FILIP1: variants seen among roughly 807,000 people sequenced by gnomAD.
FILIP1 encodes the protein filamin-A-interacting protein 1.
FILIP1 carries 61 observed loss-of-function variants against 102.1 expected under a neutral mutation model. The ratio of observed to expected loss-of-function variants is 0.60; its 90% CI spans 0.49 to 0.74. The LOEUF is 0.74. Ranked by LOEUF, FILIP1 falls within the 30% of genes least tolerant of loss-of-function variation. FILIP1 has a pLI of 0.00. For synonymous variants in FILIP1, 491 were observed against 526.9 expected (o/e 0.93, Z 0.93); for missense variants, 1,314 against 1,441.2 (o/e 0.91, Z 1.43).
In FILIP1 at chr6:75,365,056, G is replaced by A. The variant is rs73453795; in HGVS notation, c.277-2139C>T. Among the ~76,000 whole-genome samples the A allele has an allele frequency of 7.6e-3, 1,157 of 152,188 alleles. 19 individuals are homozygous for A. The highest frequency in any genetic ancestry group is 0.026 in the African/African-American group (1,094 of 41,530). Reference sequence around the variant, plus strand: ...GGCGATGATAGAAGGTTGGCAAGCTGGAAGTTCTTGATAACAAACTACTGT... The same window carrying A: ...GGCGATGATAGAAGGTTGGCAAGCTAGAAGTTCTTGATAACAAACTACTGT... On this transcript the variant is annotated intron_variant, in intron 2 of 5. Transcript: ENST00000237172.
At chr6:75,303,999 A>T (rs2748253), downstream of FILIP1, among the ~76,000 whole-genome samples, 1 of 151,870 alleles carries the variant, frequency 6.6e-6, no homozygotes, top group Non-Finnish European at 1.5e-5. Context: ...GAAAAATATG[A>T]AACTGGTGTG....
chr6:75,490,929 A>G (rs1779938690), intron 1 of FILIP1, among the ~76,000 whole-genome samples: 1 of 152,136 alleles, frequency 6.6e-6, no homozygotes. Context: ...AGAGCCACAA[A>G]TGTGAATGGA....
chr6:75,335,908 A>G (rs79272960), intron 4 of FILIP1, among the ~76,000 whole-genome samples: 1 of 152,304 alleles, frequency 6.6e-6, no homozygotes, highest in African/African-American at 2.4e-5. Context: ...TAACCTCTCA[A>G]TAGCCTGAAC....
chr6:75,464,964 A>G (rs1179394468), intron 1 of FILIP1, among the ~76,000 whole-genome samples: 1 of 152,180 alleles, frequency 6.6e-6, no homozygotes, highest in African/African-American at 2.4e-5. Context: ...CACTATTACT[A>G]TTGCTACCAC....
Position 75,405,806 on chromosome 6 carries a change from G to C in FILIP1, c.276+8891C>G, listed in dbSNP as rs377630133. On this transcript the variant is annotated intron_variant, in intron 2 of 5. Transcript: ENST00000237172. ...TGGTGGGAAAAATGGTAATGACAGA[G>C]CAGACAATCGGAATGAGTCGGGGTG... Among the ~76,000 whole-genome samples the C allele has an allele frequency of 1.4e-3, 209 of 152,278 alleles. 6 individuals carry two copies. The South Asian group carries it at 0.042, about 30-fold the overall frequency.
At chr6:75,453,301 GACCTTTCCTTTAGCACT>G (rs1778700248) in intron 1 of FILIP1, among the ~76,000 whole-genome samples, 1 of 152,126 alleles carries the variant, frequency 6.6e-6, no homozygotes, top group South Asian at 2.1e-4. Flanking sequence ...GTATTGTCTA[GACCTTTCCTTTAGCACT>G]GAAATATATT....
intron 1 of FILIP1, among the ~76,000 whole-genome samples, chr6:75,422,570 C>T (rs893902192): frequency 1.2e-4 from 18 of 152,110 alleles, no homozygotes; most frequent in African/African-American, 4.3e-4. Flanking sequence ...CAAAACAAGC[C>T]TATTGGTAGC....
At chr6:75,481,085 C>T (rs1019040255) in intron 1 of FILIP1, among the ~76,000 whole-genome samples, 2 of 152,128 alleles carry the variant, frequency 1.3e-5, no homozygotes, top group African/African-American at 4.8e-5. Context: ...TTTCCCACAG[C>T]GAGAGTCACT....
rs1396497039 is a variant in FILIP1 at position 75,461,834 on chromosome 6, C to T, written c.-7+31580G>A. On this transcript the variant is annotated intron_variant, in intron 1 of 5. Coordinates refer to ENST00000237172, the MANE Select transcript of FILIP1 (RefSeq NM_015687.5). ...TGAACAAGGGCGAAGTGTGTGCATGCAACACAGGCGCTTAGGAGAAGAGAG... is the reference window on the plus strand; with the variant it reads ...TGAACAAGGGCGAAGTGTGTGCATGTAACACAGGCGCTTAGGAGAAGAGAG... 3.3e-5 allele frequency among the ~76,000 whole-genome samples: 5 copies of T among 152,278 alleles called. No homozygotes were observed. In the East Asian group the frequency reaches 7.7e-4, roughly 24 times the overall value.
At chr6:75,457,899 A>G (rs1350445454) in intron 1 of FILIP1, among the ~76,000 whole-genome samples, 2 of 152,188 alleles carry the variant, frequency 1.3e-5, no homozygotes, top group African/African-American at 4.8e-5. Context: ...ACAAAACCAT[A>G]TATTTTTTAA....
chr6:75,447,544 C>T (rs1434850175), intron 1 of FILIP1, among the ~76,000 whole-genome samples: 1 of 152,038 alleles, frequency 6.6e-6, no homozygotes, highest in Non-Finnish European at 1.5e-5. Context: ...CCTTACCAAA[C>T]TGAGATGATT....
chr6:75,329,442 G>A (rs1179702376), intron 4 of FILIP1, among the ~76,000 whole-genome samples: 3 of 152,186 alleles, frequency 2.0e-5, no homozygotes, highest in Non-Finnish European at 2.9e-5. Context: ...CAACACAAAT[G>A]TCACCAAAAA....
rs560688087 is a variant in FILIP1, at chr6:75,442,509, C to G, written c.-6-27531G>C. Reference sequence around the variant, plus strand: ...GACTCCGTCTGCAATCCCGGCACCTCGGGAGGCCGAGGCTGGCGGATCCCT... The same window carrying G: ...GACTCCGTCTGCAATCCCGGCACCTGGGGAGGCCGAGGCTGGCGGATCCCT... On this transcript the variant is annotated intron_variant, in intron 1 of 5. Coordinates refer to ENST00000237172, the MANE Select transcript of FILIP1 (RefSeq NM_015687.5). Among the ~76,000 whole-genome samples the G allele has an allele frequency of 2.6e-5, 4 of 151,250 alleles. No homozygotes were observed. In the East Asian group the frequency reaches 7.8e-4, roughly 29 times the overall value.
At chr6:75,436,452 A>C (rs1778025025) in intron 1 of FILIP1, among the ~76,000 whole-genome samples, 1 of 152,222 alleles carries the variant, frequency 6.6e-6, no homozygotes, top group Admixed American at 6.5e-5. Context: ...ATGGCTTCTA[A>C]GTTCCTTCTA....
rs932406898 is a variant in FILIP1, at chr6:75,448,671, A to G, written c.-6-33693T>C. On this transcript the variant is annotated intron_variant, in intron 1 of 5. Coordinates refer to ENST00000237172, the MANE Select transcript of FILIP1 (RefSeq NM_015687.5). ...AAAACACCAAACAATCCCATCAAAA[A>G]GTGGGCTAAGGGCATGAATGGACAA... 5.9e-5 allele frequency among the ~76,000 whole-genome samples: 9 copies of G among 152,312 alleles called. No homozygotes were observed. In the South Asian group the frequency reaches 1.9e-3, roughly 32 times the overall value.
intron 1 of FILIP1, among the ~76,000 whole-genome samples, chr6:75,463,092 C>A (rs1446088758): frequency 6.6e-6 from 1 of 152,138 alleles, no homozygotes; most frequent in Non-Finnish European, 1.5e-5. Flanking sequence ...AGAGAGTAAA[C>A]AGATTAGCAA....
At chr6:75,391,999 C>T (rs1776294253) in intron 2 of FILIP1, among the ~76,000 whole-genome samples, 1 of 152,126 alleles carries the variant, frequency 6.6e-6, no homozygotes, top group South Asian at 2.1e-4. Flanking sequence ...AACTCTCACT[C>T]CTCATTTTTC....
intron 2 of FILIP1, among the ~76,000 whole-genome samples, chr6:75,383,130 C>T (rs1009947101): frequency 6.6e-6 from 1 of 152,060 alleles, no homozygotes; most frequent in Non-Finnish European, 1.5e-5. Flanking sequence ...GAATGATGGA[C>T]ACTGTAGATG....
chr6:75,454,209 G>T (rs1486561930), intron 1 of FILIP1, among the ~76,000 whole-genome samples: 1 of 152,172 alleles, frequency 6.6e-6, no homozygotes, highest in African/African-American at 2.4e-5. Context: ...TAGGACTGAG[G>T]TCTTTGCTTT....
Sources: allele counts gnomAD v4.1 joint callset (sites outside exome capture counted in the v4.1 genomes callset), GRCh38; gene constraint gnomAD v4.1.1; transcripts MANE v1.5; gene names NCBI Gene and HGNC (gene_info 2026-07-23, HGNC 2026-07-21).